The following CPNE8 variants were observed in gnomAD, a reference collection of about 807,000 sequenced individuals.
The protein encoded by CPNE8 is copine 8.
CPNE8 carries 45 observed loss-of-function variants against 81.5 expected under a neutral mutation model. The observed-to-expected ratio is 0.55, with a 90% CI of 0.44 to 0.71. The LOEUF (loss-of-function observed/expected upper bound fraction) is 0.71. CPNE8 is among the 30% of genes least tolerant of loss of function. The pLI, the probability that CPNE8 is intolerant of heterozygous loss-of-function variation, is 0.00. For missense variants in CPNE8, 594 were observed against 672.1 expected (o/e 0.88, Z 1.28); for synonymous variants, 252 against 226.3 (o/e 1.11, Z -1.02).
intron 10 of CPNE8, among the ~76,000 whole-genome samples, chr12:38,748,661 C>T (rs986471991): frequency 4.8e-4 from 72 of 150,880 alleles, no homozygotes; most frequent in Admixed American, 1.2e-3. Flanking sequence ...CCACCACGCC[C>T]GGCTAATTTT....
At chr12:38,741,296 A>G (rs1245759264) in intron 10 of CPNE8, among the ~76,000 whole-genome samples, 1 of 152,226 alleles carries the variant, frequency 6.6e-6, no homozygotes, top group Non-Finnish European at 1.5e-5. Context: ...ACAAGGCTAC[A>G]GTCACCAAAA....
intron 6 of CPNE8, among the ~76,000 whole-genome samples, chr12:38,796,293 T>C (rs1270472258): frequency 1.3e-5 from 2 of 150,406 alleles, no homozygotes; most frequent in African/African-American, 2.4e-5. Context: ...TCTCAAAAAA[T>C]TAAAAACAAA....
chr12:38,801,494 G>C (rs1401033507), intron 6 of CPNE8, among the ~76,000 whole-genome samples: 1 of 35,488 alleles, frequency 2.8e-5, no homozygotes, highest in Non-Finnish European at 5.1e-5. Context: ...CCCTAAAAGA[G>C]CTCCTGAAGG....
intron 5 of CPNE8, among the ~76,000 whole-genome samples, chr12:38,830,769 A>C (rs1565638975): frequency 1.3e-5 from 2 of 152,224 alleles, no homozygotes; most frequent in Non-Finnish European, 2.9e-5. Context: ...TATGGTGAGG[A>C]ACTAGTATTG....
At position 38,902,393 on chromosome 12, in the gene CPNE8, G is replaced by A. The variant is rs7486890; in HGVS notation, c.98+3044C>T. Among the ~76,000 whole-genome samples the A allele has an allele frequency of 3.4e-3, 186 of 54,522 alleles. 2 individuals are homozygous for A. The highest frequency in any genetic ancestry group is 0.011 in the African/African-American group (143 of 12,832). 35.8% of individuals were successfully genotyped at this position (54,522 alleles called of 152,430 possible). ...GAAAGAAAGAAAGAAAAGAAAGAAA[G>A]AGAAAGAAAGAAAGAAAGAAAGAAA... is the stretch of plus-strand genomic sequence containing the variant. On this transcript the variant is annotated intron_variant, in intron 1 of 19. Coordinates refer to ENST00000331366, the MANE Select transcript of CPNE8 (RefSeq NM_153634.3).
At chr12:38,754,725 C>G (rs1941423740) in intron 10 of CPNE8, among the ~76,000 whole-genome samples, 1 of 151,782 alleles carries the variant, frequency 6.6e-6, no homozygotes, top group Non-Finnish European at 1.5e-5. Context: ...TGAGAAAAAT[C>G]ATGACCTACA....
rs114008560 is a variant in CPNE8, at chr12:38,766,207, C to T, written c.575+1428G>A. Among the ~76,000 whole-genome samples, 754 of 152,178 alleles carry T rather than the reference C, an allele frequency of 5.0e-3. 5 individuals are homozygous for T. Among genetic ancestry groups the T allele is most frequent in the African/African-American group, 0.017 (704 of 41,516 alleles). On this transcript the variant is annotated intron_variant, in intron 8 of 19. Transcript: ENST00000331366. ...ATACATTTTTTAATAAAAGTATCAC[C>T]AGGAGCATTAGATGTGTGATAAAGT... is the stretch of plus-strand genomic sequence containing the variant.
chr12:38,743,960 T>C (rs574741451), intron 10 of CPNE8, among the ~76,000 whole-genome samples: 1 of 152,278 alleles, frequency 6.6e-6, no homozygotes, highest in Admixed American at 6.5e-5. Context: ...AACTATAAAA[T>C]TTTCCTTTCC....
At chr12:38,673,208 C>T (rs1939217385) in intron 18 of CPNE8, among the ~76,000 whole-genome samples, 1 of 152,182 alleles carries the variant, frequency 6.6e-6, no homozygotes, top group African/African-American at 2.4e-5. Flanking sequence ...CCCCTTCCAC[C>T]ATGATTCTAA....
intron 13 of CPNE8, among the ~76,000 whole-genome samples, chr12:38,705,462 A>G (rs184357178): frequency 1.3e-5 from 2 of 152,246 alleles, no homozygotes; most frequent in East Asian, 3.9e-4. Context: ...TTCCCTTTAT[A>G]TTAATAGTTA....
chr12:38,789,326 G>A (rs1034677964), intron 6 of CPNE8, among the ~76,000 whole-genome samples: 1 of 151,648 alleles, frequency 6.6e-6, no homozygotes, highest in Non-Finnish European at 1.5e-5. Flanking sequence ...ATTTTCAACA[G>A]AGGTGCCAAA....
chr12:38,776,740 T>C (rs1377318234), intron 6 of CPNE8, among the ~76,000 whole-genome samples: 2 of 152,162 alleles, frequency 1.3e-5, no homozygotes, highest in Non-Finnish European at 2.9e-5. Flanking sequence ...CATCTAATTA[T>C]GTTTCAGTAA....
chr12:38,825,341 T>C (rs1049968188), intron 6 of CPNE8, among the ~76,000 whole-genome samples: 1 of 152,114 alleles, frequency 6.6e-6, no homozygotes, highest in Non-Finnish European at 1.5e-5. Context: ...CTTCCCACTA[T>C]TTGCTTATTA....
chr12:38,842,160 C>A, intron 4 of CPNE8, among the ~76,000 whole-genome samples: 1 of 152,034 alleles, frequency 6.6e-6, no homozygotes, highest in East Asian at 1.9e-4. Context: ...AAATTGCCAA[C>A]ATTTACTGTA....
chr12:38,679,664 C>T, intron 16 of CPNE8: 3 of 984,968 alleles, frequency 3.0e-6, no homozygotes, highest in Non-Finnish European at 3.6e-6. Flanking sequence ...GTTGTTGCTT[C>T]TTTGGCACTT....
At chr12:38,871,876 C>T (rs1468011651) in intron 3 of CPNE8, among the ~76,000 whole-genome samples, 1 of 152,184 alleles carries the variant, frequency 6.6e-6, no homozygotes, top group East Asian at 1.9e-4. Flanking sequence ...TGGCTCACAC[C>T]TGTAATCCCA....
chr12:38,749,095 A>C (rs1209184328), intron 10 of CPNE8, among the ~76,000 whole-genome samples: 1 of 152,110 alleles, frequency 6.6e-6, no homozygotes, highest in African/African-American at 2.4e-5. Context: ...GAAGTAATTA[A>C]ATCATGGGGG....
At position 38,730,340 on chromosome 12, in the gene CPNE8, T is replaced by C; in HGVS notation, c.741A>G (p.Glu247=). 1 of 1,583,196 alleles carries C rather than the reference T, an allele frequency of 6.3e-7. No individual in the cohort carries two copies. The highest frequency in any genetic ancestry group is 8.6e-7 in the Non-Finnish European group (1 of 1,160,488). ...DRDGSHDFIG[E]FTTSYRELSR... ...AAAGTTCCCTATAGCTTGTTGTAAA[T>C]TCTCCAATGAAATCATGACTAAAAT... Residue 247 remains glutamate, a synonymous_variant, in exon 11 of 20, where the codon GAA becomes GAG. Coordinates refer to ENST00000331366, the MANE Select transcript of CPNE8 (RefSeq NM_153634.3).
At chr12:38,700,091 C>G (rs1156348005) in intron 14 of CPNE8, among the ~76,000 whole-genome samples, 3 of 152,060 alleles carry the variant, frequency 2.0e-5, no homozygotes, top group African/African-American at 7.2e-5. Flanking sequence ...GCTACAACCT[C>G]CAGTATAATG....
Sources: gnomAD v4.1 joint callset for allele counts (sites outside exome capture counted in the v4.1 genomes callset) on GRCh38, gnomAD v4.1.1 for gene constraint, MANE v1.5 for transcripts, NCBI Gene and HGNC (gene_info 2026-07-23, HGNC 2026-07-21) for gene names.